The following MMP24 variants were observed in gnomAD, a reference collection of about 807,000 sequenced individuals.
MMP24 encodes matrix metallopeptidase 24.
A neutral mutation model predicts 62.8 loss-of-function variants in MMP24; 25 were observed. The observed-to-expected ratio is 0.40, with a 90% CI of 0.29 to 0.56. MMP24 has a LOEUF of 0.56. MMP24 is among the 20% of genes least tolerant of loss of function. MMP24 has a pLI of 0.50. For synonymous variants in MMP24, 319 were observed against 350.5 expected, an observed-to-expected ratio of 0.91 and a Z score of 1.00; for missense variants, 634 against 853.6, an observed-to-expected ratio of 0.74 and a Z score of 3.21.
Position 35,274,159 on chromosome 20 carries a change from G to A in MMP24, c.1601-113G>A, listed in dbSNP as rs918188190. 3.7e-5 allele frequency: 39 copies of A among 1,064,860 alleles called. No individual in the cohort carries two copies. The African/African-American group carries it at 5.4e-4, about 15-fold the overall frequency. 66.0% of individuals were successfully genotyped at this position (1,064,860 alleles called of 1,614,324 possible). A position where few individuals can be genotyped will look rare whatever the true frequency, so the allele number is the denominator to read the frequency against. On this transcript the variant is annotated intron_variant, in intron 8 of 8. Coordinates refer to ENST00000246186, the MANE Select transcript of MMP24 (RefSeq NM_006690.4). The surrounding 1 kb of genome is among the most constrained non-coding windows in gnomAD (Gnocchi z 5.1). Reference sequence around the variant, plus strand: ...CCAAGCACTGCACCCCAAACCTCCAGGTGTGCCCACCTTGCCTCCCTTGCC... The same window carrying A: ...CCAAGCACTGCACCCCAAACCTCCAAGTGTGCCCACCTTGCCTCCCTTGCC...
chr20:35,238,170 T>C (rs1307069884), intron 1 of MMP24, among the ~76,000 whole-genome samples: 1 of 152,234 alleles, frequency 6.6e-6, no homozygotes, highest in Admixed American at 6.5e-5. Context: ...AGAGGCTGGC[T>C]ACTGAGCCAG....
At chr20:35,270,276 A>G (rs1051269059) in intron 7 of MMP24, among the ~76,000 whole-genome samples, 1 of 152,196 alleles carries the variant, frequency 6.6e-6, no homozygotes, top group African/African-American at 2.4e-5. Flanking sequence ...GCACTGTGCT[A>G]GGTTGTTTCA....
chr20:35,259,930 C>T (rs2060593774), intron 4 of MMP24, among the ~76,000 whole-genome samples: 1 of 152,156 alleles, frequency 6.6e-6, no homozygotes, highest in South Asian at 2.1e-4. Flanking sequence ...CACCCACATC[C>T]CTATGACGAA....
At chr20:35,245,740 C>T (rs1030390205) in intron 1 of MMP24, among the ~76,000 whole-genome samples, 14 of 151,582 alleles carry the variant, frequency 9.2e-5, no homozygotes, top group African/African-American at 2.4e-4. Context: ...CGAACCACCA[C>T]GCCTGGCCAT....
intron 5 of MMP24, among the ~76,000 whole-genome samples, chr20:35,266,175 TAAAAAAA>T (rs35806814): frequency 2.3e-5 from 1 of 43,016 alleles, no homozygotes; most frequent in African/African-American, 1.0e-4. Flanking sequence ...CCATCTCTGC[TAAAAAAA>T]AAAAAAAAAA....
At position 35,269,977 on chromosome 20, in the gene MMP24, C is replaced by T. The variant is rs1004513413; in HGVS notation, c.1333+79C>T. The T allele has an allele frequency of 5.3e-6, 8 of 1,515,400 alleles. No homozygotes were observed. The highest frequency in any genetic ancestry group is 4.9e-5 in the East Asian group (2 of 40,634). 93.9% of individuals were successfully genotyped at this position (1,515,400 alleles called of 1,614,324 possible). A position where few individuals can be genotyped will look rare whatever the true frequency, so the allele number is the denominator to read the frequency against. On this transcript the variant is annotated intron_variant, in intron 7 of 8. Transcript: ENST00000246186. The surrounding 1 kb of genome is among the most constrained non-coding windows in gnomAD (Gnocchi z 4.6). Reference sequence around the variant, plus strand: ...TTTTTCCCATCTAAACTGGAAGAGGCGGGGTGGGAGGCAGATGTCCTCAGA... The same window carrying T: ...TTTTTCCCATCTAAACTGGAAGAGGTGGGGTGGGAGGCAGATGTCCTCAGA...
chr20:35,229,303 A>G (rs2053975698), intron 1 of MMP24, among the ~76,000 whole-genome samples: 1 of 152,060 alleles, frequency 6.6e-6, no homozygotes, highest in African/African-American at 2.4e-5. Context: ...TCACTTTGCT[A>G]TATTTCTTCT....
Position 35,254,773 on chromosome 20 carries a change from A to G in MMP24, c.817+19A>G, listed in dbSNP as rs751025829. 5.6e-6 allele frequency: 9 copies of G among 1,597,882 alleles called. No individual in the cohort carries two copies. The highest frequency in any genetic ancestry group is 2.2e-5 in the East Asian group (1 of 44,780). ...CATGACGGTAAGGCCATGAGGGGAC[A>G]GGGGTCAGTCTTGGGCTGCTCAGTT... On this transcript the variant is annotated intron_variant, in intron 4 of 8. Transcript: ENST00000246186.
chr20:35,243,236 A>G (rs1320560352), intron 1 of MMP24, among the ~76,000 whole-genome samples: 2 of 151,900 alleles, frequency 1.3e-5, no homozygotes, highest in Non-Finnish European at 2.9e-5. Flanking sequence ...ATTTCCAGGC[A>G]ATTGCACATG....
chr20:35,230,864 T>G (rs1296472613), intron 1 of MMP24, among the ~76,000 whole-genome samples: 1 of 152,232 alleles, frequency 6.6e-6, no homozygotes, highest in Non-Finnish European at 1.5e-5. Flanking sequence ...CATTGATTTT[T>G]CATTTCGTAT....
intron 4 of MMP24, among the ~76,000 whole-genome samples, chr20:35,261,783 C>T (rs1040302962): frequency 1.3e-5 from 2 of 150,806 alleles, no homozygotes; most frequent in African/African-American, 2.4e-5. Context: ...CCTCCCTCCA[C>T]CTCAGGGCAT....
Position 35,267,233 on chromosome 20 carries a change from A to G in MMP24, c.1008A>G (p.Thr336=), listed in dbSNP as rs770438112. The G allele has an allele frequency of 5.6e-6, 9 of 1,603,402 alleles. No homozygotes were observed. The highest frequency in any genetic ancestry group is 7.7e-6 in the Non-Finnish European group (9 of 1,175,544). The change falls in exon 6 of 9, where the codon ACA becomes ACG. Residue 336 remains threonine (T), a synonymous_variant. Transcript: ENST00000246186. The part of the protein sequence containing the change: ...YGPPAEPLEP[T]RPLPTLPVRR... The stretch of plus-strand genomic sequence containing the variant: ...CCCCAGCCGAGCCTCTGGAGCCCAC[A>G]AGGCCACTCCCTACACTCCCCGTCC...
chr20:35,260,312 T>C (rs988729378), intron 4 of MMP24, among the ~76,000 whole-genome samples: 16 of 152,216 alleles, frequency 1.1e-4, no homozygotes, highest in Non-Finnish European at 1.6e-4. Flanking sequence ...ACCACAGGCC[T>C]CTTTCCTTTA....
intron 4 of MMP24, among the ~76,000 whole-genome samples, chr20:35,259,625 A>G (rs1044176318): frequency 6.6e-6 from 1 of 152,194 alleles, no homozygotes; most frequent in Non-Finnish European, 1.5e-5. Context: ...GCACTGGCAG[A>G]AGAACAGAGG....
At chr20:35,245,633 G>A (rs544644271) in intron 1 of MMP24, among the ~76,000 whole-genome samples, 36 of 151,876 alleles carry the variant, frequency 2.4e-4, no homozygotes, top group Middle Eastern at 3.4e-3. Context: ...ATTTTTAGTA[G>A]AGACGAGGTT....
intron 5 of MMP24, among the ~76,000 whole-genome samples, chr20:35,264,811 C>T (rs2060624320): frequency 6.6e-6 from 1 of 151,624 alleles, no homozygotes; most frequent in South Asian, 2.1e-4. Flanking sequence ...ACACCTCTCT[C>T]CCAGTTCTGT....
Position 35,275,117 on chromosome 20 carries a change from C to G in MMP24, c.*508C>G, listed in dbSNP as rs2060696528. On this transcript the variant is annotated 3_prime_UTR_variant, in exon 9 of 9. Coordinates refer to ENST00000246186, the MANE Select transcript of MMP24 (RefSeq NM_006690.4). ...CTCCAAGGCTACAGGACCCCTGCTT[C>G]TGACACAGTGAGCAACAAGCCTGGG... 9 of 158,752 alleles carry G rather than the reference C, an allele frequency of 5.7e-5. No individual in the cohort carries two copies. Among genetic ancestry groups the G allele is most frequent in the Admixed American group, 5.2e-4 (9 of 17,324 alleles). The allele number at this position is 158,752 out of a possible 1,614,324, so 9.8% of individuals were successfully genotyped here.
chr20:35,226,859 C>T lies in MMP24; in HGVS notation c.121C>T (p.Pro41Ser). The part of the protein sequence containing the change: ...VPGRLLLLLL[P>S]ALCCLPGAAR... ...TGGGCGGCTGCTGCTGCTGCTGCTG[C>T]CCGCGCTCTGCTGCCTCCCGGGCGC... is the stretch of plus-strand genomic sequence containing the variant. Residue 41 changes from proline to serine, a missense_variant, in exon 1 of 9, where the codon CCC (proline) becomes TCC (serine). Pro to Ser is a moderately conservative substitution (Grantham distance 74). Transcript: ENST00000246186. 2.0e-6 allele frequency: 2 copies of T among 978,882 alleles called. No homozygotes were observed. Among genetic ancestry groups the T allele is most frequent in the Non-Finnish European group, 1.2e-6 (1 of 827,804 alleles). The allele number at this position is 978,882 out of a possible 1,614,324, so 60.6% of individuals were successfully genotyped here.
chr20:35,256,956 C>T (rs1445765502), intron 4 of MMP24, among the ~76,000 whole-genome samples: 1 of 152,122 alleles, frequency 6.6e-6, no homozygotes, highest in Non-Finnish European at 1.5e-5. Flanking sequence ...GATTCCCAGG[C>T]CCTTCCCACA....
Sources: allele counts gnomAD v4.1 joint callset (sites outside exome capture counted in the v4.1 genomes callset), GRCh38; gene constraint gnomAD v4.1.1; non-coding constraint Gnocchi (gnomAD v3.1); transcripts MANE v1.5; gene names NCBI Gene and HGNC (gene_info 2026-07-23, HGNC 2026-07-21).